The following TUSC3 variants were observed in gnomAD, a reference collection of about 807,000 sequenced individuals.
The protein encoded by TUSC3 is tumor suppressor candidate 3.
A neutral mutation model predicts 44.8 loss-of-function variants in TUSC3; 45 were observed. That is an observed-to-expected ratio of 1.00 (90% CI 0.79 to 1.29). The LOEUF (loss-of-function observed/expected upper bound fraction) is 1.29. Ranked by LOEUF, TUSC3 falls within the 50% of genes most tolerant of loss-of-function variation. The pLI is 0.00. For synonymous variants in TUSC3, 212 were observed against 152.9 expected, an observed-to-expected ratio of 1.39 and a Z score of -2.85; for missense variants, 519 against 437.9, an observed-to-expected ratio of 1.19 and a Z score of -1.65.
In TUSC3 at chr8:15,540,634, G is replaced by T. The variant is rs1034631034; in HGVS notation, c.138+66G>T. 51 of 1,472,020 alleles carry T rather than the reference G, an allele frequency of 3.5e-5. 2 individuals are homozygous for T. The South Asian group carries it at 6.8e-4, about 20-fold the overall frequency. The allele number at this position is 1,472,020 out of a possible 1,614,324, so 91.2% of individuals were successfully genotyped here. A position where few individuals can be genotyped will look rare whatever the true frequency, so the allele number is the denominator to read the frequency against. ...GGGCCAGGGTGGGCCGCGTTGCCAG[G>T]CAGCCCTGCCGTGTTGCTAGGCAGC... On this transcript the variant is annotated intron_variant, in intron 1 of 10. Coordinates refer to ENST00000503731, the MANE Select transcript of TUSC3 (RefSeq NM_006765.4).
intron 7 of TUSC3, among the ~76,000 whole-genome samples, chr8:15,738,827 C>CTTTTTTTTTTTTTTCTTTTTTTT (rs1563198661): frequency 2.3e-5 from 2 of 87,162 alleles, no homozygotes; most frequent in Non-Finnish European, 2.1e-5. Context: ...ATATATCTTG[C>CTTTTTTTTTTTTTTCTTTTTTTT]TTTTTTTTTT....
chr8:15,760,088 G>C (rs553040800), intron 10 of TUSC3, among the ~76,000 whole-genome samples: 1 of 152,184 alleles, frequency 6.6e-6, no homozygotes, highest in East Asian at 1.9e-4. Flanking sequence ...ACTTATTGTA[G>C]GGTAGTGTCA....
intron 1 of TUSC3, among the ~76,000 whole-genome samples, chr8:15,478,563 C>G (rs1800614583): frequency 1.3e-5 from 2 of 152,116 alleles, no homozygotes; most frequent in African/African-American, 4.8e-5. Flanking sequence ...TTGCTGAGGA[C>G]AATGGCTTCC....
chr8:15,634,514 C>T (rs1483386107), intron 2 of TUSC3, among the ~76,000 whole-genome samples: 3 of 152,162 alleles, frequency 2.0e-5, no homozygotes, highest in Admixed American at 2.0e-4. Context: ...TGGGGTCTTC[C>T]ATTAACACTT....
chr8:15,526,804 C>A (rs751183468), intron 2 of TUSC3, among the ~76,000 whole-genome samples: 1 of 152,088 alleles, frequency 6.6e-6, no homozygotes, highest in African/African-American at 2.4e-5. Flanking sequence ...ACTAAAGTTG[C>A]TTCGTTTGAA....
At chr8:15,599,130 G>T (rs916422804) in intron 1 of TUSC3, among the ~76,000 whole-genome samples, 2 of 151,776 alleles carry the variant, frequency 1.3e-5, no homozygotes, top group Non-Finnish European at 2.9e-5. Flanking sequence ...CTGGATTTTG[G>T]TCATTCTAAT....
intron 6 of TUSC3, among the ~76,000 whole-genome samples, chr8:15,719,369 G>A (rs1810201743): frequency 6.6e-6 from 1 of 151,896 alleles, no homozygotes; most frequent in East Asian, 1.9e-4. Flanking sequence ...TGTCTCTGTG[G>A]TGTTTATCCT....
chr8:15,808,984 A>G, the TUSC3 span, among the ~76,000 whole-genome samples: 3 of 152,210 alleles, frequency 2.0e-5, no homozygotes, highest in Admixed American at 6.5e-5. Flanking sequence ...CCCTGTAACT[A>G]AACCCAAGTT....
At chr8:15,505,574 G>A (rs573986853) in intron 2 of TUSC3, among the ~76,000 whole-genome samples, 1 of 152,158 alleles carries the variant, frequency 6.6e-6, no homozygotes, top group South Asian at 2.1e-4. Context: ...ACTACAGTAT[G>A]TCCCAAGCTT....
intron 2 of TUSC3, among the ~76,000 whole-genome samples, chr8:15,627,722 G>C (rs1241082283): frequency 6.6e-6 from 1 of 152,240 alleles, no homozygotes; most frequent in Non-Finnish European, 1.5e-5. Flanking sequence ...CAGCCTCACA[G>C]GGAGCTGGTG....
chr8:15,849,630 GCCTC>G, the TUSC3 span, among the ~76,000 whole-genome samples: 2 of 152,248 alleles, frequency 1.3e-5, no homozygotes, highest in South Asian at 4.2e-4. Context: ...ACATGTTTCA[GCCTC>G]CCTCTCACAC....
chr8:15,789,858 G>A, the TUSC3 span, among the ~76,000 whole-genome samples: 54 of 152,296 alleles, frequency 3.5e-4, no homozygotes, highest in East Asian at 7.5e-3. Flanking sequence ...ACACCCAACT[G>A]ATGCAGGGCA....
the TUSC3 span, among the ~76,000 whole-genome samples, chr8:15,847,178 G>A: frequency 6.6e-6 from 1 of 152,202 alleles, no homozygotes; most frequent in Non-Finnish European, 1.5e-5. Context: ...AGAGGCAGGG[G>A]AAGGACTTTG....
intron 5 of TUSC3, among the ~76,000 whole-genome samples, chr8:15,671,921 T>G (rs886165658): frequency 2.6e-5 from 4 of 152,054 alleles, no homozygotes; most frequent in African/African-American, 9.7e-5. Flanking sequence ...TTATTCATTC[T>G]TACATCTCTA....
intron 1 of TUSC3, among the ~76,000 whole-genome samples, chr8:15,445,310 A>AT (rs1342942000): frequency 3.3e-5 from 5 of 151,220 alleles, no homozygotes; most frequent in Non-Finnish European, 7.4e-5. Flanking sequence ...CTATCCCAGG[A>AT]TTTTATTTTT....
intron 1 of TUSC3, among the ~76,000 whole-genome samples, chr8:15,463,081 C>A (rs764309213): frequency 3.3e-5 from 5 of 151,432 alleles, no homozygotes; most frequent in Non-Finnish European, 4.4e-5. Context: ...TTTTTTTCTT[C>A]TTTTGCCTCT....
chr8:15,531,306 G>C (rs998302152), intron 2 of TUSC3, among the ~76,000 whole-genome samples: 13 of 152,214 alleles, frequency 8.5e-5, no homozygotes, highest in Non-Finnish European at 1.6e-4. Context: ...TGTCTCCCAG[G>C]CTGGAGTACA....
intron 5 of TUSC3, among the ~76,000 whole-genome samples, chr8:15,671,121 G>C (rs1228293864): frequency 1.3e-5 from 2 of 151,868 alleles, no homozygotes; most frequent in Non-Finnish European, 2.9e-5. Context: ...TGAGAAATGT[G>C]TTTGGTTTTA....
chr8:15,453,866 G>A (rs1800223324), intron 1 of TUSC3, among the ~76,000 whole-genome samples: 1 of 152,148 alleles, frequency 6.6e-6, no homozygotes, highest in Admixed American at 6.5e-5. Flanking sequence ...ACCAGGGAAA[G>A]GCAGTCTCTC....
Sources: gnomAD v4.1 joint callset for allele counts (sites outside exome capture counted in the v4.1 genomes callset) on GRCh38, gnomAD v4.1.1 for gene constraint, MANE v1.5 for transcripts, NCBI Gene and HGNC (gene_info 2026-07-23, HGNC 2026-07-21) for gene names.